Variants in RORA observed in about 807,000 individuals in gnomAD.
RORA encodes nuclear receptor ROR-alpha.
In RORA, 7 loss-of-function variants were observed where a neutral mutation model predicts 69.5. The ratio of observed to expected loss-of-function variants is 0.10; its 90% confidence interval spans 0.06 to 0.19. RORA has a LOEUF of 0.19. RORA is among the 10% of genes least tolerant of loss of function. RORA has a pLI of 1.00. For missense variants in RORA, 457 were observed against 663.0 expected, an observed-to-expected ratio of 0.69 and a Z score of 3.41; for synonymous variants, 261 against 240.8, an observed-to-expected ratio of 1.08 and a Z score of -0.78.
chr15:60,894,537 T>C (rs1475595628), intron 1 of RORA, among the ~76,000 whole-genome samples: 3 of 152,108 alleles, frequency 2.0e-5, no homozygotes, highest in Non-Finnish European at 4.4e-5. Flanking sequence ...GTGGTGGTTA[T>C]TTTGGAGGAT....
chr15:60,743,429 T>C (rs1017766465), intron 1 of RORA, among the ~76,000 whole-genome samples: 3 of 152,224 alleles, frequency 2.0e-5, no homozygotes, highest in Non-Finnish European at 4.4e-5. Context: ...CCTGTTTACA[T>C]GCCTACCATG....
intron 1 of RORA, among the ~76,000 whole-genome samples, chr15:61,203,914 T>C (rs1022486740): frequency 6.6e-6 from 1 of 152,214 alleles, no homozygotes; most frequent in Non-Finnish European, 1.5e-5. Flanking sequence ...GTTGACAATG[T>C]GGAGAATGAG....
At chr15:60,861,561 C>G (rs981997836) in intron 1 of RORA, among the ~76,000 whole-genome samples, 2 of 152,094 alleles carry the variant, frequency 1.3e-5, no homozygotes, top group African/African-American at 4.8e-5. Flanking sequence ...ACTATGTTGC[C>G]CAGGCTGGTC....
intron 1 of RORA, among the ~76,000 whole-genome samples, chr15:61,219,080 T>C (rs573904685): frequency 6.6e-6 from 1 of 152,308 alleles, no homozygotes; most frequent in East Asian, 1.9e-4. Context: ...TGGACACTAT[T>C]TTCACTATGT....
intron 1 of RORA, among the ~76,000 whole-genome samples, chr15:60,755,693 C>A (rs1034675083): frequency 6.6e-6 from 1 of 152,156 alleles, no homozygotes; most frequent in African/African-American, 2.4e-5. Flanking sequence ...TCCACAAACC[C>A]AACACATAGA....
chr15:60,934,842 C>T (rs1892475439), intron 1 of RORA, among the ~76,000 whole-genome samples: 2 of 151,844 alleles, frequency 1.3e-5, no homozygotes, highest in Non-Finnish European at 2.9e-5. Context: ...CTCTACTTTC[C>T]CACAGAAAGC....
At chr15:60,668,904 A>G (rs1379947531) in intron 2 of RORA, among the ~76,000 whole-genome samples, 1 of 152,200 alleles carries the variant, frequency 6.6e-6, no homozygotes, top group African/African-American at 2.4e-5. Flanking sequence ...CTCTTACCAT[A>G]ATTGTCCAGC....
intron 1 of RORA, among the ~76,000 whole-genome samples, chr15:61,163,265 G>A (rs952178998): frequency 2.0e-5 from 3 of 152,124 alleles, no homozygotes; most frequent in African/African-American, 7.2e-5. Flanking sequence ...AAGGGGTCTG[G>A]GTCCCAGAGC....
intron 1 of RORA, among the ~76,000 whole-genome samples, chr15:60,799,022 G>C (rs1291644616): frequency 6.6e-6 from 1 of 151,292 alleles, no homozygotes; most frequent in Non-Finnish European, 1.5e-5. Flanking sequence ...GAGTCATGCC[G>C]AGAGGGCTGA....
chr15:61,197,306 G>T (rs1055057677), intron 1 of RORA, among the ~76,000 whole-genome samples: 2 of 152,196 alleles, frequency 1.3e-5, no homozygotes, highest in African/African-American at 4.8e-5. Flanking sequence ...TTAATAACAG[G>T]TTGCCTTACA....
chr15:61,078,459 A>G (rs1452043430), intron 1 of RORA, among the ~76,000 whole-genome samples: 1 of 152,078 alleles, frequency 6.6e-6, no homozygotes, highest in Admixed American at 6.6e-5. Flanking sequence ...TTGGCCTCCC[A>G]AAGTGTTGGG....
intron 3 of RORA, among the ~76,000 whole-genome samples, chr15:60,523,232 AAATGTCT>A (rs1320496587): frequency 2.6e-5 from 4 of 152,168 alleles, no homozygotes; most frequent in Admixed American, 1.3e-4. Flanking sequence ...TGAAGTTCCA[AAATGTCT>A]TCGTTGTTTC....
chr15:60,774,111 A>C (rs1348269698), intron 1 of RORA, among the ~76,000 whole-genome samples: 1 of 152,152 alleles, frequency 6.6e-6, no homozygotes, highest in Non-Finnish European at 1.5e-5. Context: ...CTTTGGCCTG[A>C]CTCAGACTGG....
At chr15:60,669,792 G>T (rs926310160) in intron 2 of RORA, among the ~76,000 whole-genome samples, 2 of 152,146 alleles carry the variant, frequency 1.3e-5, no homozygotes, top group Admixed American at 6.5e-5. Flanking sequence ...TTTTGCCATT[G>T]AAATGGCAAA....
intron 1 of RORA, among the ~76,000 whole-genome samples, chr15:60,935,173 T>C (rs1459234091): frequency 6.6e-6 from 1 of 152,220 alleles, no homozygotes; most frequent in Non-Finnish European, 1.5e-5. Context: ...AAGGAAACCA[T>C]CAAAAAGTGA....
At chr15:60,612,541 G>C (rs1423057825) in intron 2 of RORA, among the ~76,000 whole-genome samples, 10 of 151,964 alleles carry the variant, frequency 6.6e-5, no homozygotes, top group Admixed American at 6.6e-4. Context: ...GCTAGACCAG[G>C]CATTAGCAAA....
intron 1 of RORA, among the ~76,000 whole-genome samples, chr15:61,228,015 T>G (rs1596087467): frequency 6.7e-6 from 1 of 148,234 alleles, no homozygotes; most frequent in African/African-American, 2.5e-5. Flanking sequence ...AGCAACTGAG[T>G]CCCCCCCATC....
At chr15:61,067,941 G>A (rs973791837) in intron 1 of RORA, among the ~76,000 whole-genome samples, 2 of 152,220 alleles carry the variant, frequency 1.3e-5, no homozygotes, top group Non-Finnish European at 2.9e-5. Context: ...TGGTCTAGCT[G>A]TAGATGATAT....
At chr15:60,704,508 CTTCT>C (rs888664542) in intron 1 of RORA, among the ~76,000 whole-genome samples, 2 of 152,188 alleles carry the variant, frequency 1.3e-5, no homozygotes, top group African/African-American at 2.4e-5. Context: ...TTTCTGTTGT[CTTCT>C]TTCTTCTTGC....
Sources: allele counts gnomAD v4.1 joint callset (sites outside exome capture counted in the v4.1 genomes callset), GRCh38; gene constraint gnomAD v4.1.1; transcripts MANE v1.5; gene names NCBI Gene and HGNC (gene_info 2026-07-23, HGNC 2026-07-21).